MED13L: variants seen among roughly 807,000 people sequenced by gnomAD.
The protein encoded by MED13L is mediator complex subunit 13L, also known as mediator of RNA polymerase II transcription subunit 13-like.
MED13L carries 7 observed loss-of-function variants against 220.9 expected under a neutral mutation model. The ratio of observed to expected loss-of-function variants is 0.03; its 90% CI spans 0.02 to 0.06. MED13L has a LOEUF of 0.06. Ranked by LOEUF, MED13L falls within the 10% of genes least tolerant of loss-of-function variation. The probability of loss-of-function intolerance (pLI) is 1.00; values close to 1 mark genes in which losing one functional copy is unlikely to be tolerated. For synonymous variants in MED13L, 1,011 were observed against 1,015.2 expected (o/e 1.00, Z 0.08); for missense variants, 1,965 against 2,760.5 (o/e 0.71, Z 6.46).
In MED13L at chr12:116,271,040, CAAAAAAAAAAAAA is replaced by C. The variant is rs58162276; in HGVS notation, c.72+6007_72+6019del. Among the ~76,000 whole-genome samples, 11 of 30,096 alleles carry C rather than the reference CAAAAAAAAAAAAA, an allele frequency of 3.7e-4. No homozygotes were observed. In the South Asian group the frequency reaches 6.8e-3, roughly 19 times the overall value. The allele number at this position is 30,096 out of a possible 152,430, so 19.7% of individuals were successfully genotyped here. A position where few individuals can be genotyped will look rare whatever the true frequency, so the allele number is the denominator to read the frequency against. On this transcript the variant is annotated intron_variant, in intron 1 of 30. Coordinates refer to ENST00000281928, the MANE Select transcript of MED13L (RefSeq NM_015335.5). ...CTGGTGACAGAGCGAGACTCCGTCT[CAAAAAAAAAAAAA>C]AAAAAAAAAAAAAAGAAAGAAAATT...
chr12:116,269,023 G>A (rs754435238), intron 1 of MED13L, among the ~76,000 whole-genome samples: 2 of 151,990 alleles, frequency 1.3e-5, no homozygotes, highest in Admixed American at 1.3e-4. Context: ...ATGGTGACTC[G>A]CTGCACAGAT....
chr12:116,111,329 C>A (rs1177053713), intron 3 of MED13L, 99 bp downstream of exon 3: 1 of 885,348 alleles, frequency 1.1e-6, no homozygotes, highest in Non-Finnish European at 1.9e-6. Context: ...AGCAATAAAT[C>A]ATTGCAAGTG....
chr12:116,014,247 C>T (rs1487458979), intron 8 of MED13L, among the ~76,000 whole-genome samples: 5 of 152,192 alleles, frequency 3.3e-5, no homozygotes, highest in African/African-American at 1.2e-4. Context: ...ACAGTAGTCA[C>T]TTAAGAAACA....
chr12:116,039,569 T>G (rs762618605), intron 4 of MED13L, among the ~76,000 whole-genome samples: 1 of 152,112 alleles, frequency 6.6e-6, no homozygotes, highest in Non-Finnish European at 1.5e-5. Context: ...TAATTCTAAA[T>G]ACACTGATAA....
At chr12:116,017,241 A>G (rs781412708) in intron 7 of MED13L, among the ~76,000 whole-genome samples, 27 of 152,172 alleles carry the variant, frequency 1.8e-4, no homozygotes, top group Non-Finnish European at 1.8e-4. Flanking sequence ...GAAATCCCCC[A>G]TCAAAAAAAA....
At chr12:116,166,921 A>AC (rs1413199661) in intron 2 of MED13L, among the ~76,000 whole-genome samples, 1 of 152,270 alleles carries the variant, frequency 6.6e-6, no homozygotes, top group Admixed American at 6.5e-5. Context: ...TCACAGTCCT[A>AC]CCATTCTTTA....
At chr12:116,263,886 T>C (rs905771107) in intron 1 of MED13L, among the ~76,000 whole-genome samples, 2 of 152,152 alleles carry the variant, frequency 1.3e-5, no homozygotes, top group Non-Finnish European at 2.9e-5. Flanking sequence ...AATCAATGGA[T>C]TGCTAAACCC....
At chr12:116,207,367 TC>T (rs1177494123) in intron 2 of MED13L, among the ~76,000 whole-genome samples, 1 of 152,158 alleles carries the variant, frequency 6.6e-6, no homozygotes, top group African/African-American at 2.4e-5. Flanking sequence ...CCTACAGAAT[TC>T]AGTGCAATAA....
chr12:116,268,882 G>C (rs1242891498), intron 1 of MED13L, among the ~76,000 whole-genome samples: 1 of 152,072 alleles, frequency 6.6e-6, no homozygotes, highest in Non-Finnish European at 1.5e-5. Flanking sequence ...GAATTATTAA[G>C]TAAAAAGATC....
Position 116,019,421 on chromosome 12 carries a change from A to G in MED13L, c.821-9T>C. 6.2e-7 allele frequency: 1 copy of G among 1,613,424 alleles called. No homozygotes were observed. The highest frequency in any genetic ancestry group is 2.2e-5 in the East Asian group (1 of 44,864). ...AACCATCCGAACACCACCTATAAGC[A>G]AAGAGAACAAGGAAAGAATCAGGAC... On this transcript the variant is annotated splice_polypyrimidine_tract_variant and intron_variant, in intron 6 of 30. Coordinates refer to ENST00000281928, the MANE Select transcript of MED13L (RefSeq NM_015335.5).
At chr12:116,260,358 C>G (rs77462207) in intron 1 of MED13L, among the ~76,000 whole-genome samples, 3,402 of 152,224 alleles carry the variant, frequency 0.022, 58 homozygotes, top group Non-Finnish European at 0.036. Flanking sequence ...CGCATATGTC[C>G]ATTTTAGCGC....
chr12:116,165,039 A>G (rs1879145629), intron 2 of MED13L, among the ~76,000 whole-genome samples: 1 of 152,174 alleles, frequency 6.6e-6, no homozygotes. Flanking sequence ...TAAGAATATT[A>G]TAGTCTTCAT....
chr12:116,154,378 G>A (rs1185588123), intron 2 of MED13L, among the ~76,000 whole-genome samples: 2 of 152,126 alleles, frequency 1.3e-5, no homozygotes, highest in Non-Finnish European at 2.9e-5. Context: ...AGAGCAATTA[G>A]TGGCACTAAC....
At chr12:116,070,874 T>C (rs575992386) in intron 4 of MED13L, among the ~76,000 whole-genome samples, 1 of 152,304 alleles carries the variant, frequency 6.6e-6, no homozygotes, top group African/African-American at 2.4e-5. Flanking sequence ...TCTCTTAACA[T>C]TGTTAAGTGA....
chr12:115,968,855 T>G (rs556184059), intron 28 of MED13L, 85 bp downstream of exon 28: 1 of 1,535,538 alleles, frequency 6.5e-7, no homozygotes, highest in South Asian at 1.1e-5. Flanking sequence ...ACTGTGCAAG[T>G]AGGAACAAGA....
At chr12:116,114,017 C>G (rs147581772) in intron 2 of MED13L, among the ~76,000 whole-genome samples, 1 of 152,168 alleles carries the variant, frequency 6.6e-6, no homozygotes, top group Non-Finnish European at 1.5e-5. Flanking sequence ...AATCCCACTC[C>G]TAAATACTTC....
At chr12:116,130,755 C>T (rs1262167845) in intron 2 of MED13L, among the ~76,000 whole-genome samples, 3 of 152,016 alleles carry the variant, frequency 2.0e-5, no homozygotes, top group Non-Finnish European at 4.4e-5. Context: ...TACTGGCATT[C>T]AGTAAGTAGC....
chr12:116,233,369 ACATTAATCCTG>A (rs1869765184), intron 2 of MED13L, among the ~76,000 whole-genome samples: 1 of 152,170 alleles, frequency 6.6e-6, no homozygotes, highest in African/African-American at 2.4e-5. Flanking sequence ...TTCCCTGTAC[ACATTAATCCTG>A]TATTATTACT....
chr12:115,963,382 C>T lies in MED13L; in HGVS notation c.6500+25G>A, dbSNP rs1875906039. ...AGGAATATTGTTTCAAATTGCACTG[C>T]TATGATGCCTAGGTTGGTATCTACC... On this transcript the variant is annotated intron_variant, in intron 30 of 30. Coordinates refer to ENST00000281928, the MANE Select transcript of MED13L (RefSeq NM_015335.5). The T allele has an allele frequency of 2.7e-6, 4 of 1,501,330 alleles. No individual in the cohort carries two copies. In the Admixed American group the frequency reaches 6.7e-5, roughly 25 times the overall value. 93.0% of individuals were successfully genotyped at this position (1,501,330 alleles called of 1,614,324 possible). A position where few individuals can be genotyped will look rare whatever the true frequency, so the allele number is the denominator to read the frequency against.
Sources: allele counts gnomAD v4.1 joint callset (sites outside exome capture counted in the v4.1 genomes callset), GRCh38; gene constraint gnomAD v4.1.1; transcripts MANE v1.5; gene names NCBI Gene and HGNC (gene_info 2026-07-23, HGNC 2026-07-21).